Variants in KLHL5 observed in about 807,000 individuals in gnomAD.
KLHL5 encodes the protein kelch-like protein 5.
Under a neutral mutation model 77.7 loss-of-function variants are expected in KLHL5, and 48 were observed. The ratio of observed to expected loss-of-function variants is 0.62; its 90% CI spans 0.49 to 0.79. The LOEUF is 0.79. Ranked by LOEUF, KLHL5 falls within the 30% of genes least tolerant of loss-of-function variation. The pLI, the probability that KLHL5 is intolerant of heterozygous loss-of-function variation, is 0.00. For synonymous variants in KLHL5, 260 were observed against 297.0 expected (o/e 0.88, Z 1.28); for missense variants, 723 against 859.7 (o/e 0.84, Z 1.99).
chr4:39,079,844 A>AATGT (rs1719444788), intron 2 of KLHL5, among the ~76,000 whole-genome samples: 1 of 152,216 alleles, frequency 6.6e-6, no homozygotes, highest in Non-Finnish European at 1.5e-5. Flanking sequence ...TGAATGAATG[A>AATGT]ATGAATGGGC....
In KLHL5 at chr4:39,113,523, C is replaced by G. The variant is rs1157360322; in HGVS notation, c.1901+291C>G. 3.3e-5 allele frequency among the ~76,000 whole-genome samples: 5 copies of G among 151,982 alleles called. No homozygotes were observed. The Middle Eastern group carries it at 9.5e-3, about 289-fold the overall frequency. On this transcript the variant is annotated intron_variant, in intron 9 of 10. Transcript: ENST00000504108. ...GGCAGAATGACTTAAGGGCTGTAGA[C>G]TAAATAAAAAGCAAAAAGGATAGGG...
chr4:39,075,770 A>C (rs1433715977), intron 1 of KLHL5, among the ~76,000 whole-genome samples, 195 bp from the exon 2 acceptor site: 2 of 152,214 alleles, frequency 1.3e-5, no homozygotes, highest in African/African-American at 4.8e-5. Context: ...ATTCACTTAC[A>C]GTGTTTACAA....
At chr4:39,092,088 G>A (rs1342448635) in intron 5 of KLHL5, among the ~76,000 whole-genome samples, 3 of 152,016 alleles carry the variant, frequency 2.0e-5, no homozygotes, top group Non-Finnish European at 2.9e-5. Flanking sequence ...GAACAAATAC[G>A]AAAGTGAGGA....
At chr4:39,053,422 T>G (rs1298243157) in intron 1 of KLHL5, among the ~76,000 whole-genome samples, 1 of 152,204 alleles carries the variant, frequency 6.6e-6, no homozygotes, top group Non-Finnish European at 1.5e-5. Flanking sequence ...ACAGAAACAC[T>G]TCTGGATTTG....
intron 1 of KLHL5, among the ~76,000 whole-genome samples, chr4:39,048,127 G>C (rs947347516): frequency 6.6e-6 from 1 of 152,152 alleles, no homozygotes; most frequent in Non-Finnish European, 1.5e-5. Context: ...TTCCATTCCT[G>C]AGTGCAGGTG....
intron 2 of KLHL5, among the ~76,000 whole-genome samples, chr4:39,077,881 C>G (rs1719228690): frequency 6.6e-6 from 1 of 152,070 alleles, no homozygotes; most frequent in Non-Finnish European, 1.5e-5. Flanking sequence ...GCCCAAATGC[C>G]CATCAATCAA....
At chr4:39,080,610 A>G (rs1343900257) in intron 2 of KLHL5, among the ~76,000 whole-genome samples, 1 of 151,736 alleles carries the variant, frequency 6.6e-6, no homozygotes, top group Non-Finnish European at 1.5e-5. Context: ...AATTATAAAA[A>G]ATATAGTTTT....
intron 4 of KLHL5, among the ~76,000 whole-genome samples, chr4:39,084,757 A>G (rs571905183): frequency 6.6e-6 from 1 of 152,338 alleles, no homozygotes; most frequent in South Asian, 2.1e-4. Context: ...AGTTATACCA[A>G]TGTATAAATC....
chr4:39,093,675 G>GT (rs1720797342), intron 5 of KLHL5, among the ~76,000 whole-genome samples: 1 of 152,200 alleles, frequency 6.6e-6, no homozygotes, highest in South Asian at 2.1e-4. Flanking sequence ...GGAGGCCAAG[G>GT]TGGGAGGATC....
At chr4:39,112,836 G>A (rs1722546622) in intron 8 of KLHL5, 184 bp from the exon 9 acceptor site, 1 of 586,326 alleles carries the variant, frequency 1.7e-6, no homozygotes, top group Non-Finnish European at 3.0e-6. Context: ...TATACAGAGT[G>A]ATATATGATA....
chr4:39,069,471 TATACAC>T (rs1288233580), intron 1 of KLHL5, among the ~76,000 whole-genome samples: 22 of 69,892 alleles, frequency 3.1e-4, no homozygotes, highest in South Asian at 7.3e-4. Context: ...TATATATATA[TATACAC>T]ACACACACAC....
intron 1 of KLHL5, among the ~76,000 whole-genome samples, chr4:39,053,563 A>T (rs1716807533): frequency 6.6e-6 from 1 of 152,088 alleles, no homozygotes; most frequent in South Asian, 2.1e-4. Flanking sequence ...GTTTTCCATC[A>T]TTTTTTTAAT....
Position 39,121,189 on chromosome 4 carries a change from A to G in KLHL5, c.*123A>G. ...CACAATCCTGGGCACAAAGTGCCTG[A>G]TGTCAAAATGAAGATAGTAAAACAA... is the stretch of plus-strand genomic sequence containing the variant. On this transcript the variant is annotated 3_prime_UTR_variant, in exon 11 of 11. Coordinates refer to ENST00000504108, the MANE Select transcript of KLHL5 (RefSeq NM_015990.5). 1 of 745,946 alleles carries G rather than the reference A, an allele frequency of 1.3e-6. No homozygotes were observed. The highest frequency in any genetic ancestry group is 2.3e-6 in the Non-Finnish European group (1 of 436,110). The allele number at this position is 745,946 out of a possible 1,614,324, so 46.2% of individuals were successfully genotyped here.
intron 1 of KLHL5, among the ~76,000 whole-genome samples, chr4:39,045,384 G>A (rs1166869360): frequency 6.6e-6 from 1 of 151,844 alleles, no homozygotes; most frequent in Non-Finnish European, 1.5e-5. Context: ...GTGGAAAGTT[G>A]TGGACGCGGT....
the KLHL5 span, among the ~76,000 whole-genome samples, chr4:39,139,367 C>G: frequency 6.6e-6 from 1 of 150,966 alleles, no homozygotes; most frequent in Non-Finnish European, 1.5e-5. Context: ...GTAAAAAGAT[C>G]GGTGGGCACT....
downstream of KLHL5, among the ~76,000 whole-genome samples, chr4:39,126,363 A>T (rs978118956): frequency 4.6e-5 from 7 of 152,102 alleles, no homozygotes; most frequent in African/African-American, 9.7e-5. Context: ...TGAACGCACC[A>T]CCTCTTCCAT....
intron 5 of KLHL5, chr4:39,093,255 G>A (rs1026685117): frequency 1.2e-5 from 5 of 429,750 alleles, no homozygotes; most frequent in African/African-American, 4.1e-5. Context: ...CAAGACACCA[G>A]AGTCTCCATA....
intron 1 of KLHL5, among the ~76,000 whole-genome samples, chr4:39,065,588 A>G (rs1433999237): frequency 6.6e-6 from 1 of 151,966 alleles, no homozygotes; most frequent in Non-Finnish European, 1.5e-5. Context: ...TCCTGACCTC[A>G]AGTGATCCGC....
At chr4:39,105,001 A>C (rs1466521135) in intron 7 of KLHL5, among the ~76,000 whole-genome samples, 1 of 151,914 alleles carries the variant, frequency 6.6e-6, no homozygotes, top group East Asian at 1.9e-4. Flanking sequence ...TTGACCTCGT[A>C]ATCTACCCAA....
Sources: allele counts gnomAD v4.1 joint callset (sites outside exome capture counted in the v4.1 genomes callset), GRCh38; gene constraint gnomAD v4.1.1; transcripts MANE v1.5; gene names NCBI Gene and HGNC (gene_info 2026-07-23, HGNC 2026-07-21).